Variants in KAZN observed in about 807,000 individuals in gnomAD.
KAZN encodes kazrin, periplakin interacting protein, also known as kazrin.
Under a neutral mutation model 87.4 loss-of-function variants are expected in KAZN, and 40 were observed. That is an observed-to-expected ratio of 0.46 (90% CI 0.36 to 0.60). KAZN has a LOEUF of 0.60. KAZN is among the 20% of genes least tolerant of loss of function. KAZN has a pLI of 0.00. For synonymous variants in KAZN, 466 were observed against 458.3 expected (o/e 1.02, Z -0.22); for missense variants, 898 against 1,073.9 (o/e 0.84, Z 2.29).
rs551700221 is a variant in KAZN at position 14,535,439 on chromosome 1, G to A, written c.250-63544G>A. On this transcript the variant is annotated intron_variant, in intron 2 of 16. Transcript: ENST00000636203. ...TCCCAGCACTTTGGGAGGCCAAGGC[G>A]GGTGGATCACAAGGTCAGGAGATTG... 3.9e-5 allele frequency among the ~76,000 whole-genome samples: 6 copies of A among 152,182 alleles called. No individual in the cohort carries two copies. The East Asian group carries it at 5.8e-4, about 15-fold the overall frequency.
At chr1:14,286,016 C>A (rs866755437) in intron 2 of KAZN, among the ~76,000 whole-genome samples, 3 of 152,190 alleles carry the variant, frequency 2.0e-5, no homozygotes, top group African/African-American at 7.2e-5. Flanking sequence ...CCCTCTCTTA[C>A]GCTGCTCAAT....
chr1:14,272,746 T>C (rs1166462051), intron 2 of KAZN, among the ~76,000 whole-genome samples: 1 of 152,046 alleles, frequency 6.6e-6, no homozygotes, highest in South Asian at 2.1e-4. Context: ...TAATCCCAGA[T>C]ACTTGGGAGG....
chr1:14,465,916 T>G (rs1668100062), intron 2 of KAZN, among the ~76,000 whole-genome samples: 1 of 152,188 alleles, frequency 6.6e-6, no homozygotes, highest in African/African-American at 2.4e-5. Flanking sequence ...ACTGTATTTT[T>G]TCTGCACCTT....
At chr1:14,901,815 C>T (rs546452887) in intron 1 of KAZN, among the ~76,000 whole-genome samples, 9 of 152,278 alleles carry the variant, frequency 5.9e-5, no homozygotes, top group African/African-American at 1.4e-4. Context: ...CTCTCTGGGG[C>T]GGCCAGGGTT....
intron 1 of KAZN, among the ~76,000 whole-genome samples, chr1:14,110,283 C>T (rs1644472691): frequency 1.4e-5 from 2 of 146,846 alleles, no homozygotes; most frequent in Non-Finnish European, 3.0e-5. Context: ...TAAAGCCTTG[C>T]CAAACCTTAG....
chr1:14,393,913 T>TG (rs1397623446), intron 2 of KAZN, among the ~76,000 whole-genome samples: 3 of 149,076 alleles, frequency 2.0e-5, no homozygotes, highest in African/African-American at 5.0e-5. Flanking sequence ...AATGTGTGTG[T>TG]TTTTTTAATG....
intron 2 of KAZN, among the ~76,000 whole-genome samples, chr1:14,291,108 G>A (rs1653652234): frequency 6.6e-6 from 1 of 152,192 alleles, no homozygotes; most frequent in African/African-American, 2.4e-5. Flanking sequence ...CCCCTACTGG[G>A]AGATGCCTCC....
At chr1:14,099,976 C>T (rs575102723) in intron 1 of KAZN, among the ~76,000 whole-genome samples, 2 of 152,226 alleles carry the variant, frequency 1.3e-5, no homozygotes, top group South Asian at 2.1e-4. Flanking sequence ...CTTTCTCTCT[C>T]TCCTGAATGA....
chr1:14,571,875 G>T (rs1674890828), intron 2 of KAZN, among the ~76,000 whole-genome samples: 2 of 152,194 alleles, frequency 1.3e-5, no homozygotes, highest in African/African-American at 4.8e-5. Context: ...CACCAGAGTG[G>T]GCTGACAGTG....
At chr1:14,282,526 C>T (rs1240499125) in intron 2 of KAZN, among the ~76,000 whole-genome samples, 6 of 152,304 alleles carry the variant, frequency 3.9e-5, no homozygotes, top group East Asian at 3.9e-4. Context: ...CAATGATTCT[C>T]GTTACAGAAT....
chr1:14,869,278 C>G (rs1188680199), intron 1 of KAZN, among the ~76,000 whole-genome samples: 1 of 152,094 alleles, frequency 6.6e-6, no homozygotes, highest in African/African-American at 2.4e-5. Context: ...TTTTTTCTCA[C>G]TTCTCAGGGT....
intron 2 of KAZN, among the ~76,000 whole-genome samples, chr1:14,237,188 A>G (rs1368735967): frequency 6.6e-6 from 1 of 152,098 alleles, no homozygotes; most frequent in Non-Finnish European, 1.5e-5. Flanking sequence ...TCACTCTCTG[A>G]TCTTCAGGGG....
At chr1:13,916,741 CA>C (rs1367389793) in intron 1 of KAZN, among the ~76,000 whole-genome samples, 1 of 152,108 alleles carries the variant, frequency 6.6e-6, no homozygotes, top group East Asian at 1.9e-4. Context: ...CTGAGATCTG[CA>C]GGCGAGGAAG....
intron 2 of KAZN, among the ~76,000 whole-genome samples, chr1:14,243,196 C>G (rs1007532598): frequency 1.3e-5 from 2 of 152,180 alleles, no homozygotes; most frequent in African/African-American, 2.4e-5. Flanking sequence ...CTCTTGGGCT[C>G]TCTCCAGAAA....
intron 1 of KAZN, among the ~76,000 whole-genome samples, chr1:14,776,864 A>T (rs1245380935): frequency 6.7e-6 from 1 of 149,390 alleles, no homozygotes; most frequent in Non-Finnish European, 1.5e-5. Context: ...TGAGTCCGGG[A>T]CAATGAGGCT....
chr1:15,032,024 C>T (rs1671762339), intron 2 of KAZN, among the ~76,000 whole-genome samples: 1 of 151,918 alleles, frequency 6.6e-6, no homozygotes, highest in Non-Finnish European at 1.5e-5. Flanking sequence ...GTTATGTATC[C>T]ATCACAATAA....
chr1:14,529,279 C>T (rs1257796905), intron 2 of KAZN, among the ~76,000 whole-genome samples: 2 of 152,086 alleles, frequency 1.3e-5, no homozygotes, highest in South Asian at 2.1e-4. Flanking sequence ...ACCCCAGCCT[C>T]GGTGACAAGA....
intron 1 of KAZN, among the ~76,000 whole-genome samples, chr1:14,020,941 T>C (rs542269830): frequency 6.6e-6 from 1 of 152,368 alleles, no homozygotes. Context: ...TTTCAAAGTC[T>C]ATAAATCATG....
At chr1:14,463,967 C>T (rs1261927345) in intron 2 of KAZN, among the ~76,000 whole-genome samples, 3 of 152,182 alleles carry the variant, frequency 2.0e-5, no homozygotes, top group Non-Finnish European at 1.5e-5. Context: ...TGGAGGGGCC[C>T]TTAGGCCGTA....
Sources: allele counts gnomAD v4.1 joint callset (sites outside exome capture counted in the v4.1 genomes callset), GRCh38; gene constraint gnomAD v4.1.1; transcripts MANE v1.5; gene names NCBI Gene and HGNC (gene_info 2026-07-23, HGNC 2026-07-21).